Variants in MAGI2 observed in about 807,000 individuals in gnomAD.
MAGI2 encodes the protein membrane-associated guanylate kinase, WW and PDZ domain-containing protein 2.
Under a neutral mutation model 133.3 loss-of-function variants are expected in MAGI2, and 35 were observed. The observed-to-expected ratio is 0.26, with a 90% CI of 0.20 to 0.35. The LOEUF is 0.35. Ranked by LOEUF, MAGI2 falls within the 10% of genes least tolerant of loss-of-function variation. The pLI is 1.00. For missense variants in MAGI2, 1,636 were observed against 1,863.4 expected (o/e 0.88, Z 2.25); for synonymous variants, 729 against 710.6 (o/e 1.03, Z -0.41).
Position 78,209,854 on chromosome 7 carries a change from G to A in MAGI2, c.2048-8661C>T, listed in dbSNP as rs561640193. Among the ~76,000 whole-genome samples, 91 of 152,256 alleles carry A rather than the reference G, an allele frequency of 6.0e-4. 1 individual carries two copies. The Middle Eastern group carries it at 0.01, about 17-fold the overall frequency. On this transcript the variant is annotated intron_variant, in intron 10 of 21. Transcript: ENST00000354212. ...TACCTATTCCTTGGCCAGAGCATGC[G>A]TCACTCCTCTTCAATTGTTGAAGTT...
At chr7:78,192,595 G>C (rs1828337906) in intron 12 of MAGI2, among the ~76,000 whole-genome samples, 1 of 149,808 alleles carries the variant, frequency 6.7e-6, no homozygotes, top group Non-Finnish European at 1.5e-5. Flanking sequence ...AGAGAGACTA[G>C]AGAAAGTGGC....
intron 3 of MAGI2, among the ~76,000 whole-genome samples, chr7:78,623,420 T>C (rs1335264709): frequency 6.6e-6 from 1 of 152,136 alleles, no homozygotes; most frequent in Non-Finnish European, 1.5e-5. Flanking sequence ...TTAACATCTT[T>C]GATAAAGTTA....
chr7:79,134,356 A>G (rs991879845), intron 1 of MAGI2, among the ~76,000 whole-genome samples: 1 of 152,180 alleles, frequency 6.6e-6, no homozygotes, highest in East Asian at 1.9e-4. Context: ...TGACAAATCA[A>G]ATTTTCACTT....
chr7:78,471,918 C>G (rs528632098), intron 6 of MAGI2, among the ~76,000 whole-genome samples: 40 of 150,758 alleles, frequency 2.7e-4, no homozygotes, highest in Non-Finnish European at 4.4e-4. Context: ...GAGCAAGACT[C>G]CATCTCAAAA....
At chr7:79,036,018 A>G (rs1302315539) in intron 1 of MAGI2, among the ~76,000 whole-genome samples, 1 of 152,234 alleles carries the variant, frequency 6.6e-6, no homozygotes, top group Non-Finnish European at 1.5e-5. Flanking sequence ...ATATGCGCAA[A>G]GCACTCACAG....
At chr7:78,849,331 AAAAC>A (rs1792920289) in intron 2 of MAGI2, among the ~76,000 whole-genome samples, 1 of 152,072 alleles carries the variant, frequency 6.6e-6, no homozygotes, top group Non-Finnish European at 1.5e-5. Context: ...TAGCAAAAAC[AAAAC>A]AAACAAAGCA....
chr7:78,394,497 TTAC>T (rs1796169046), intron 6 of MAGI2, among the ~76,000 whole-genome samples: 1 of 152,166 alleles, frequency 6.6e-6, no homozygotes, highest in African/African-American at 2.4e-5. Context: ...CTCCTGGCTT[TTAC>T]ACATGTTGTT....
intron 2 of MAGI2, among the ~76,000 whole-genome samples, chr7:78,648,086 G>A (rs1387650919): frequency 1.3e-5 from 2 of 152,130 alleles, no homozygotes; most frequent in African/African-American, 4.8e-5. Flanking sequence ...CATGGCACAT[G>A]TATACCTATG....
intron 2 of MAGI2, among the ~76,000 whole-genome samples, chr7:78,975,862 A>G (rs1804197516): frequency 6.6e-6 from 1 of 151,666 alleles, no homozygotes; most frequent in African/African-American, 2.4e-5. Context: ...TGAAGATTGA[A>G]AAGATAATAA....
intron 2 of MAGI2, among the ~76,000 whole-genome samples, chr7:78,882,120 CA>C (rs369350656): frequency 1.2e-4 from 7 of 58,984 alleles, no homozygotes; most frequent in Admixed American, 4.9e-4. Context: ...AAAAGAAAAA[CA>C]AAAAAAAAAG....
intron 18 of MAGI2, among the ~76,000 whole-genome samples, chr7:78,131,538 A>C (rs567906588): frequency 3.3e-5 from 5 of 152,168 alleles, no homozygotes; most frequent in Non-Finnish European, 7.4e-5. Context: ...TTCAGAAAAC[A>C]TTAGAATCAT....
At chr7:78,870,357 A>G (rs966239241) in intron 2 of MAGI2, among the ~76,000 whole-genome samples, 7 of 33,818 alleles carry the variant, frequency 2.1e-4, no homozygotes, top group East Asian at 8.9e-4. Flanking sequence ...CTGTCTCAGA[A>G]AAAAAAAAAA....
At chr7:79,041,867 T>C (rs1440793879) in intron 1 of MAGI2, among the ~76,000 whole-genome samples, 1 of 152,150 alleles carries the variant, frequency 6.6e-6, no homozygotes, top group Non-Finnish European at 1.5e-5. Context: ...AACTGAATTT[T>C]CAATCTAAAT....
At chr7:79,365,260 A>T (rs1404388246) in intron 1 of MAGI2, among the ~76,000 whole-genome samples, 3 of 152,186 alleles carry the variant, frequency 2.0e-5, no homozygotes, top group Non-Finnish European at 2.9e-5. Context: ...GAATGTGGAG[A>T]ACTGAATCAA....
chr7:78,956,729 G>A (rs1802409689), intron 2 of MAGI2, among the ~76,000 whole-genome samples: 1 of 152,100 alleles, frequency 6.6e-6, no homozygotes, highest in Non-Finnish European at 1.5e-5. Context: ...TATTCTCTAA[G>A]TTCTGAAGAT....
chr7:78,742,004 T>C (rs1450368047), intron 2 of MAGI2, among the ~76,000 whole-genome samples: 1 of 151,886 alleles, frequency 6.6e-6, no homozygotes, highest in Non-Finnish European at 1.5e-5. Context: ...AATCATCTAG[T>C]TATCTAGTTA....
At chr7:78,132,462 AGGG>A (rs1821662466) in intron 18 of MAGI2, among the ~76,000 whole-genome samples, 3 of 152,226 alleles carry the variant, frequency 2.0e-5, no homozygotes, top group Non-Finnish European at 2.9e-5. Flanking sequence ...AAGGCCCTTT[AGGG>A]TGGGCCCCAG....
intron 1 of MAGI2, among the ~76,000 whole-genome samples, chr7:79,256,522 T>C (rs1347651488): frequency 7.4e-6 from 1 of 134,428 alleles, no homozygotes; most frequent in African/African-American, 2.8e-5. Flanking sequence ...CAGAGTCTTA[T>C]ACTGTCACCC....
chr7:78,376,459 TA>T (rs2151280941), intron 6 of MAGI2, among the ~76,000 whole-genome samples: 1 of 152,240 alleles, frequency 6.6e-6, no homozygotes, highest in African/African-American at 2.4e-5. Flanking sequence ...TGATGATATG[TA>T]ATTCATATTA....
Sources: gnomAD v4.1 joint callset for allele counts (sites outside exome capture counted in the v4.1 genomes callset) on GRCh38, gnomAD v4.1.1 for gene constraint, MANE v1.5 for transcripts, NCBI Gene and HGNC (gene_info 2026-07-23, HGNC 2026-07-21) for gene names.